The following HLF variants were observed in gnomAD, a reference collection of about 807,000 sequenced individuals.
The protein encoded by HLF is HLF transcription factor, PAR bZIP family member.
In HLF, 3 loss-of-function variants were observed where a neutral mutation model predicts 22.6. The observed-to-expected ratio is 0.13, with a 90% confidence interval of 0.06 to 0.34. The LOEUF is 0.34. Among genes scored for constraint, HLF ranks in the 10% least tolerant of loss-of-function variants. The pLI is 1.00. For synonymous variants in HLF, 151 were observed against 151.8 expected, an observed-to-expected ratio of 0.99 and a Z score of 0.04; for missense variants, 299 against 389.2, an observed-to-expected ratio of 0.77 and a Z score of 1.95.
chr17:55,285,060 C>G (rs1231333754), intron 2 of HLF, among the ~76,000 whole-genome samples: 1 of 152,172 alleles, frequency 6.6e-6, no homozygotes, highest in Admixed American at 6.5e-5. Context: ...CAGGCCACCC[C>G]ATGGTGATTG....
intron 2 of HLF, among the ~76,000 whole-genome samples, chr17:55,306,296 C>T (rs1359076030): frequency 1.3e-5 from 2 of 152,188 alleles, no homozygotes. Flanking sequence ...TCATTGCATT[C>T]ACCTTCTCAG....
At chr17:55,315,832 G>T (rs943326630) in intron 3 of HLF, among the ~76,000 whole-genome samples, 1 of 152,126 alleles carries the variant, frequency 6.6e-6, no homozygotes, top group Non-Finnish European at 1.5e-5. Context: ...GCCCTCGAAG[G>T]GTTACCTTCC....
intron 2 of HLF, among the ~76,000 whole-genome samples, chr17:55,291,599 CAAG>C (rs1188124742): frequency 8.0e-6 from 1 of 124,358 alleles, no homozygotes; most frequent in Non-Finnish European, 1.7e-5. Flanking sequence ...TGGAGATGTA[CAAG>C]AAGATTAATG....
chr17:55,299,189 G>A (rs966435373), intron 2 of HLF, among the ~76,000 whole-genome samples: 1 of 152,184 alleles, frequency 6.6e-6, no homozygotes, highest in Non-Finnish European at 1.5e-5. Context: ...TTTTGTTTAG[G>A]TACCAGATGA....
At chr17:55,290,768 G>A (rs939383145) in intron 2 of HLF, among the ~76,000 whole-genome samples, 4 of 152,294 alleles carry the variant, frequency 2.6e-5, no homozygotes, top group African/African-American at 9.6e-5. Context: ...AAGGTAGGTC[G>A]AAAGCCAAGA....
Position 55,265,552 on chromosome 17 carries a change from G to T in HLF, c.68G>T (p.Arg23Met). 6.2e-7 allele frequency: 1 copy of T among 1,609,688 alleles called. No individual in the cohort carries two copies. Reference sequence around the variant, plus strand: ...ATCCCGCCTCCCTACGGCGTGCTCAGGTCCCTGCTGGAGAACCCGCTGAAG... The same window carrying T: ...ATCCCGCCTCCCTACGGCGTGCTCATGTCCCTGCTGGAGAACCCGCTGAAG... Reference protein sequence around the residue: ...TFIPPPYGVLRSLLENPLKLP... With the variant: ...TFIPPPYGVLMSLLENPLKLP... The change falls in exon 1 of 4, where the codon AGG becomes ATG. Residue 23 changes from arginine (R) to methionine (M), a missense_variant. By Grantham distance (91) the Arg-to-Met change is moderately conservative. Coordinates refer to ENST00000226067, the MANE Select transcript of HLF (RefSeq NM_002126.5).
In HLF at chr17:55,320,994, A is replaced by C; in HGVS notation, c.*115A>C. 1.3e-6 allele frequency: 1 copy of C among 758,806 alleles called. No homozygotes were observed. The highest frequency in any genetic ancestry group is 2.7e-5 in the East Asian group (1 of 37,084). 47.0% of individuals were successfully genotyped at this position (758,806 alleles called of 1,614,324 possible). A position where few individuals can be genotyped will look rare whatever the true frequency, so the allele number is the denominator to read the frequency against. ...AGCACTTTACCAGAGGCATAAACAC[A>C]ACTGACTCCCATTTTGGTGTGCATC... On this transcript the variant is annotated 3_prime_UTR_variant, in exon 4 of 4. Coordinates refer to ENST00000226067, the MANE Select transcript of HLF (RefSeq NM_002126.5). This position sits in a 1 kb window ranked among gnomAD's most constrained non-coding sequence, Gnocchi z 4.2.
intron 2 of HLF, among the ~76,000 whole-genome samples, chr17:55,309,393 T>C (rs185792114): frequency 6.6e-6 from 1 of 152,300 alleles, no homozygotes; most frequent in Non-Finnish European, 1.5e-5. Context: ...TCCCTGAATG[T>C]AAAAGGATTT....
chr17:55,303,729 G>A (rs983764713), intron 2 of HLF, among the ~76,000 whole-genome samples: 1 of 152,138 alleles, frequency 6.6e-6, no homozygotes, highest in African/African-American at 2.4e-5. Context: ...AAGTCCTTGG[G>A]CATGCACGGT....
At position 55,315,415 on chromosome 17, in the gene HLF, G is replaced by T. The variant is rs1240679070; in HGVS notation, c.640G>T (p.Ala214Ser). 6.2e-7 allele frequency: 1 copy of T among 1,614,018 alleles called. No homozygotes were observed. Among genetic ancestry groups the T allele is most frequent in the East Asian group, 2.2e-5 (1 of 44,900 alleles). ...ELKPQPMIKK[A>S]RKVFIPDDLK... is the part of the protein sequence containing the mutation. The stretch of plus-strand genomic sequence containing the variant: ...GAAGCCACAGCCCATGATCAAGAAA[G>T]CTCGCAAAGTCTTCATCCCTGATGA... The change falls in exon 3 of 4, where the codon GCT becomes TCT. Residue 214 changes from alanine to serine, a missense_variant. Transcript: ENST00000226067.
intron 2 of HLF, among the ~76,000 whole-genome samples, chr17:55,310,815 G>A (rs1904795538): frequency 6.6e-6 from 1 of 152,126 alleles, no homozygotes; most frequent in Non-Finnish European, 1.5e-5. Flanking sequence ...TTTAAAACCA[G>A]TAGCTTCCTA....
At chr17:55,292,983 C>T (rs893770070) in intron 2 of HLF, among the ~76,000 whole-genome samples, 19 of 152,128 alleles carry the variant, frequency 1.2e-4, no homozygotes, top group African/African-American at 4.6e-4. Context: ...TTACCAGAGG[C>T]TGGGAAGGTT....
At chr17:55,316,506 T>G (rs1335209189) in intron 3 of HLF, among the ~76,000 whole-genome samples, 2 of 152,252 alleles carry the variant, frequency 1.3e-5, no homozygotes, top group Non-Finnish European at 2.9e-5. Context: ...ATCACTGCTG[T>G]CATCCACATT....
intron 2 of HLF, among the ~76,000 whole-genome samples, chr17:55,305,263 A>G (rs1356993303): frequency 2.0e-5 from 3 of 152,236 alleles, no homozygotes; most frequent in African/African-American, 7.2e-5. Flanking sequence ...CTGTGGGTCA[A>G]CAGTTGCTTT....
chr17:55,299,104 A>G (rs2081134465), intron 2 of HLF, among the ~76,000 whole-genome samples: 1 of 152,244 alleles, frequency 6.6e-6, no homozygotes, highest in South Asian at 2.1e-4. Flanking sequence ...AGTGCCCAGC[A>G]AGAACTGCAA....
intron 2 of HLF, among the ~76,000 whole-genome samples, chr17:55,287,783 C>T (rs1454673405): frequency 6.6e-6 from 1 of 152,186 alleles, no homozygotes; most frequent in African/African-American, 2.4e-5. Flanking sequence ...TTGGTAGGTC[C>T]TTGTGGACTC....
intron 2 of HLF, among the ~76,000 whole-genome samples, chr17:55,306,803 CT>C (rs1306405329): frequency 3.3e-5 from 5 of 151,732 alleles, no homozygotes; most frequent in Non-Finnish European, 7.4e-5. Flanking sequence ...TAATACCTTT[CT>C]TTATTCTTTC....
At chr17:55,315,189 T>C (rs1905015791) in intron 2 of HLF, 38 bp from the exon 3 acceptor site, 3 of 1,543,504 alleles carry the variant, frequency 1.9e-6, no homozygotes, top group African/African-American at 2.7e-5. Context: ...TGGGTCTCTC[T>C]AGGGTGTTCA....
At position 55,321,068 on chromosome 17, in the gene HLF, G is replaced by A. The variant is rs569602529; in HGVS notation, c.*189G>A. On this transcript the variant is annotated 3_prime_UTR_variant, in exon 4 of 4. Transcript: ENST00000226067. ...GCTTGTGCTCATGTGTGTGGTCAGC[G>A]GTATGTGCGTGTGCGTGTTCCTTTG... 480 of 580,918 alleles carry A rather than the reference G, an allele frequency of 8.3e-4. 4 individuals are homozygous for A. Among genetic ancestry groups the A allele is most frequent in the South Asian group, 2.6e-3 (127 of 49,638 alleles). The allele number at this position is 580,918 out of a possible 1,614,324, so 36.0% of individuals were successfully genotyped here. A position where few individuals can be genotyped will look rare whatever the true frequency, so the allele number is the denominator to read the frequency against.
Sources: allele counts gnomAD v4.1 joint callset (sites outside exome capture counted in the v4.1 genomes callset), GRCh38; gene constraint gnomAD v4.1.1; non-coding constraint Gnocchi (gnomAD v3.1); transcripts MANE v1.5; gene names NCBI Gene and HGNC (gene_info 2026-07-23, HGNC 2026-07-21).